CAMKMT: variants seen among roughly 807,000 people sequenced by gnomAD.
The protein encoded by CAMKMT is CaM KMT.
Under a neutral mutation model 48.0 loss-of-function variants are expected in CAMKMT, and 53 were observed. The observed-to-expected ratio is 1.10, with a 90% confidence interval of 0.89 to 1.39. The LOEUF (loss-of-function observed/expected upper bound fraction) is 1.39, where lower values mean the gene tolerates loss of function less well. Ranked by LOEUF, CAMKMT falls within the 40% of genes most tolerant of loss-of-function variation. The pLI is 0.00. For missense variants in CAMKMT, 428 were observed against 402.7 expected (o/e 1.06, Z -0.54); for synonymous variants, 165 against 152.3 (o/e 1.08, Z -0.61).
chr2:44,378,129 G>A (rs1679882209), intron 2 of CAMKMT, among the ~76,000 whole-genome samples: 1 of 152,104 alleles, frequency 6.6e-6, no homozygotes, highest in Non-Finnish European at 1.5e-5. Flanking sequence ...ACGTTTTTTA[G>A]GACCTTTAAA....
intron 3 of CAMKMT, among the ~76,000 whole-genome samples, chr2:44,454,559 T>G (rs761450534): frequency 6.6e-6 from 1 of 152,176 alleles, no homozygotes; most frequent in African/African-American, 2.4e-5. Context: ...CCCAAGGCAC[T>G]GGGAACTTAA....
At chr2:44,544,459 A>C (rs1667287003) in intron 3 of CAMKMT, among the ~76,000 whole-genome samples, 1 of 152,222 alleles carries the variant, frequency 6.6e-6, no homozygotes, top group Non-Finnish European at 1.5e-5. Context: ...GAGTCAGTAC[A>C]TTGGAAGTCA....
chr2:44,628,971 G>A (rs1428643929), intron 3 of CAMKMT, among the ~76,000 whole-genome samples: 1 of 152,012 alleles, frequency 6.6e-6, no homozygotes, highest in Admixed American at 6.5e-5. Context: ...ATGTACACTT[G>A]AAAAAACATA....
chr2:44,383,195 C>T lies in CAMKMT; in HGVS notation c.312-7046C>T, dbSNP rs1477507541. Reference sequence around the variant, plus strand: ...AGTTTTATTTTTTGAGGCAGAATCTCGCTCTGTCACCCAGGCTGGAGTGCA... The same window carrying T: ...AGTTTTATTTTTTGAGGCAGAATCTTGCTCTGTCACCCAGGCTGGAGTGCA... On this transcript the variant is annotated intron_variant, in intron 2 of 10. Coordinates refer to ENST00000378494, the MANE Select transcript of CAMKMT (RefSeq NM_024766.5). Among the ~76,000 whole-genome samples the T allele has an allele frequency of 7.2e-5, 11 of 151,796 alleles. No individual in the cohort carries two copies. In the South Asian group the frequency reaches 8.3e-4, roughly 11 times the overall value.
intron 3 of CAMKMT, among the ~76,000 whole-genome samples, chr2:44,570,014 T>G (rs1471097726): frequency 6.6e-6 from 1 of 152,196 alleles, no homozygotes; most frequent in Non-Finnish European, 1.5e-5. Context: ...AATACCAAAT[T>G]CATAGAGATG....
At chr2:44,367,232 T>C (rs1160209929) in intron 1 of CAMKMT, among the ~76,000 whole-genome samples, 3 of 152,162 alleles carry the variant, frequency 2.0e-5, no homozygotes, top group Non-Finnish European at 4.4e-5. Flanking sequence ...AGGTCTTTTT[T>C]TCTTGTTCCA....
intron 2 of CAMKMT, among the ~76,000 whole-genome samples, chr2:44,378,895 A>G (rs1572683814): frequency 6.6e-6 from 1 of 152,070 alleles, no homozygotes. Context: ...TTTTGGATCA[A>G]TTTTCTTTTA....
chr2:44,402,940 G>C lies in CAMKMT; in HGVS notation c.376+12635G>C, dbSNP rs1294269315. Among the ~76,000 whole-genome samples the C allele has an allele frequency of 9.1e-5, 10 of 109,908 alleles. No homozygotes were observed. The East Asian group carries it at 2.7e-3, about 30-fold the overall frequency. 72.1% of individuals were successfully genotyped at this position (109,908 alleles called of 152,430 possible). On this transcript the variant is annotated intron_variant, in intron 3 of 10. Transcript: ENST00000378494. The stretch of plus-strand genomic sequence containing the variant: ...TACTGAAAGTTTTTTTTTTTTTTCT[G>C]TCTTTATAGTCTTTGTTTCCTTTAA...
intron 3 of CAMKMT, among the ~76,000 whole-genome samples, chr2:44,396,844 A>G (rs1681893763): frequency 1.3e-5 from 2 of 152,006 alleles, no homozygotes; most frequent in Non-Finnish European, 2.9e-5. Context: ...GCGGATCACA[A>G]GGTCAGGAGA....
chr2:44,409,116 T>TTGCTAC (rs1683000417), intron 3 of CAMKMT, among the ~76,000 whole-genome samples: 1 of 4,034 alleles, frequency 2.5e-4, no homozygotes, highest in African/African-American at 7.9e-4. Flanking sequence ...TATATATATA[T>TTGCTAC]ATATATATAT....
intron 1 of CAMKMT, among the ~76,000 whole-genome samples, chr2:44,369,146 A>G (rs1031317276): frequency 1.4e-4 from 21 of 152,090 alleles, no homozygotes; most frequent in African/African-American, 4.8e-4. Context: ...TGCCTCTGAA[A>G]GTGCTGGGAT....
chr2:44,421,091 G>C (rs769868964), intron 3 of CAMKMT, among the ~76,000 whole-genome samples: 1 of 152,096 alleles, frequency 6.6e-6, no homozygotes, highest in Non-Finnish European at 1.5e-5. Flanking sequence ...TTTTAATGTT[G>C]TGGGAAAATA....
At chr2:44,539,805 A>T (rs1437843446) in intron 3 of CAMKMT, among the ~76,000 whole-genome samples, 2 of 152,132 alleles carry the variant, frequency 1.3e-5, no homozygotes, top group African/African-American at 4.8e-5. Flanking sequence ...ATTACCAGAA[A>T]TGATGATGCA....
At position 44,556,462 on chromosome 2, in the gene CAMKMT, T is replaced by TAAAGGATTAATCCGC. The variant is rs1356090739; in HGVS notation, c.377-147821_377-147820insAAAGGATTAATCCGC. On this transcript the variant is annotated intron_variant, in intron 3 of 10. Coordinates refer to ENST00000378494, the MANE Select transcript of CAMKMT (RefSeq NM_024766.5). ...CCAATTTTTCTTTCTTTTTTTTTTT[T>TAAAGGATTAATCCGC]TTTTTTTTTTTTTTTTTTGAGACGG... Among the ~76,000 whole-genome samples the TAAAGGATTAATCCGC allele has an allele frequency of 1.0e-3, 49 of 47,928 alleles. 1 individual carries two copies. The highest frequency in any genetic ancestry group is 3.8e-3 in the South Asian group (5 of 1,318). 31.4% of individuals were successfully genotyped at this position (47,928 alleles called of 152,430 possible).
At chr2:44,699,292 T>C (rs1677134224) in intron 3 of CAMKMT, among the ~76,000 whole-genome samples, 1 of 152,206 alleles carries the variant, frequency 6.6e-6, no homozygotes, top group East Asian at 1.9e-4. Flanking sequence ...ATTTCTGAAA[T>C]AATAAGATTT....
intron 3 of CAMKMT, among the ~76,000 whole-genome samples, chr2:44,697,559 A>G (rs1677023472): frequency 6.6e-6 from 1 of 152,196 alleles, no homozygotes; most frequent in Non-Finnish European, 1.5e-5. Context: ...AGACCTTTAT[A>G]AACTCCAGAG....
At chr2:44,465,464 C>T (rs1340388189) in intron 3 of CAMKMT, among the ~76,000 whole-genome samples, 10 of 151,204 alleles carry the variant, frequency 6.6e-5, no homozygotes, top group African/African-American at 1.7e-4. Flanking sequence ...TGGGTGGTGG[C>T]GCATGCCTGT....
chr2:44,409,134 T>G (rs1572795403), intron 3 of CAMKMT, among the ~76,000 whole-genome samples: 2 of 9,798 alleles, frequency 2.0e-4, no homozygotes, highest in Non-Finnish European at 4.2e-4. Context: ...TATATATATA[T>G]ATATATATAT....
intron 3 of CAMKMT, among the ~76,000 whole-genome samples, chr2:44,412,338 G>C (rs753244033): frequency 8.6e-5 from 13 of 151,930 alleles, no homozygotes; most frequent in Non-Finnish European, 7.4e-5. Flanking sequence ...TTTTTTGTTT[G>C]TTTGTTTTTG....
Sources: allele counts gnomAD v4.1 joint callset (sites outside exome capture counted in the v4.1 genomes callset), GRCh38; gene constraint gnomAD v4.1.1; transcripts MANE v1.5; gene names NCBI Gene and HGNC (gene_info 2026-07-23, HGNC 2026-07-21).